Variants in ARHGAP30 observed in about 807,000 individuals in gnomAD.
ARHGAP30 encodes the protein rho GTPase-activating protein 30.
In ARHGAP30, 23 loss-of-function variants were observed where a neutral mutation model predicts 72.0. That is an observed-to-expected ratio of 0.32 (90% CI 0.23 to 0.45). The LOEUF is 0.45. Among genes scored for constraint, ARHGAP30 ranks in the 20% least tolerant of loss-of-function variants. The pLI is 1.00. For synonymous variants in ARHGAP30, 576 were observed against 528.2 expected (o/e 1.09, Z -1.24); for missense variants, 1,319 against 1,383.4 (o/e 0.95, Z 0.74).
chr1:161,052,230 C>G, intron 9 of ARHGAP30, 56 bp downstream of exon 9: 1 of 1,592,010 alleles, frequency 6.3e-7, no homozygotes, highest in Non-Finnish European at 8.6e-7. Context: ...ACACACAAGC[C>G]CACGCTGGTC....
At position 161,055,888 on chromosome 1, in the gene ARHGAP30, AAT is replaced by A. The variant is rs1651822736; in HGVS notation, c.345+498_345+499del. Among the ~76,000 whole-genome samples, 11 of 28,330 alleles carry A rather than the reference AAT, an allele frequency of 3.9e-4. 1 individual carries two copies. Among genetic ancestry groups the A allele is most frequent in the African/African-American group, 2.1e-3 (10 of 4,658 alleles). The allele number at this position is 28,330 out of a possible 152,430, so 18.6% of individuals were successfully genotyped here. A position where few individuals can be genotyped will look rare whatever the true frequency, so the allele number is the denominator to read the frequency against. On this transcript the variant is annotated intron_variant, in intron 3 of 11. Transcript: ENST00000368013. ...AATAAAATAAAATAAAATAAAAATA[AAT>A]AAAATAAAATAAAATAAAATAAAAT...
intron 1 of ARHGAP30, among the ~76,000 whole-genome samples, chr1:161,062,918 G>T (rs986659423): frequency 6.6e-6 from 1 of 151,654 alleles, no homozygotes; most frequent in Non-Finnish European, 1.5e-5. Flanking sequence ...AGGTTCAAGC[G>T]ATTCTCCTGC....
chr1:161,057,552 C>G (rs192597483), intron 2 of ARHGAP30, among the ~76,000 whole-genome samples: 1 of 152,130 alleles, frequency 6.6e-6, no homozygotes, highest in Non-Finnish European at 1.5e-5. Context: ...GTAGGAGGAT[C>G]GCTTGAGCCT....
chr1:161,048,613 C>G lies in ARHGAP30; in HGVS notation c.2408G>C (p.Arg803Thr). ...TCTTGCTTCATGGTACCCCTTCTCCCTCTGTCCTTTGTCCTCATCCTCTCT... is the reference window on the plus strand; with the variant it reads ...TCTTGCTTCATGGTACCCCTTCTCCGTCTGTCCTTTGTCCTCATCCTCTCT... ...GVREDEDKGQ[R>T]EKGYHEARKD... The change falls in exon 12 of 12, where the codon AGG (arginine) becomes ACG (threonine). Residue 803 changes from arginine to threonine, a missense_variant. Transcript: ENST00000368013. The G allele has an allele frequency of 3.7e-6, 6 of 1,614,026 alleles. No homozygotes were observed. The highest frequency in any genetic ancestry group is 5.1e-6 in the Non-Finnish European group (6 of 1,180,002).
chr1:161,051,195 C>T, intron 10 of ARHGAP30, 119 bp downstream of exon 10: 1 of 1,459,082 alleles, frequency 6.9e-7, no homozygotes, highest in South Asian at 1.5e-5. Context: ...TAAAGGTAAC[C>T]ACCCCAAAGC....
Position 161,049,065 on chromosome 1 carries a change from C to T in ARHGAP30, c.1956G>A (p.Gln652=). ...RQALGQGGEE[Q]ACWEVGEDKQ... ...TGTCCTCCCCAACTTCCCAGCATGC[C>T]TGCTCTTCCCCACCCTGTCCCAGAG... Residue 652 remains glutamine (Q), a synonymous_variant, in exon 12 of 12, where the codon CAG becomes CAA. Transcript: ENST00000368013. 1.2e-6 allele frequency: 2 copies of T among 1,614,162 alleles called. No homozygotes were observed. The highest frequency in any genetic ancestry group is 1.7e-6 in the Non-Finnish European group (2 of 1,180,032).
Position 161,055,475 on chromosome 1 carries a change from CGAAGGA to C in ARHGAP30, c.346-776_346-771del, listed in dbSNP as rs1307007828. ...ACCACTGCACTCCGGCCTGGGTGAC[CGAAGGA>C]GACCCTGTCTCAAAAAACAAAAAAC... is the stretch of plus-strand genomic sequence containing the variant. On this transcript the variant is annotated intron_variant, in intron 3 of 11. Transcript: ENST00000368013. Among the ~76,000 whole-genome samples, 5 of 150,618 alleles carry C rather than the reference CGAAGGA, an allele frequency of 3.3e-5. No homozygotes were observed. In the South Asian group the frequency reaches 1.0e-3, roughly 32 times the overall value.
chr1:161,059,238 A>G (rs1652137707), intron 2 of ARHGAP30, among the ~76,000 whole-genome samples: 1 of 151,980 alleles, frequency 6.6e-6, no homozygotes, highest in African/African-American at 2.4e-5. Context: ...CACGTTGGCC[A>G]GGCTGGTCTT....
chr1:161,056,495 G>A lies in ARHGAP30; in HGVS notation c.238C>T (p.Arg80Trp), dbSNP rs200039326. Residue 80 changes from arginine to tryptophan, a missense_variant, in exon 3 of 12, where the codon CGG (arginine) becomes TGG (tryptophan). Around this residue, in one of 2 missense-constraint regions of ARHGAP30, gnomAD observed 222 missense variants for 338.2 expected, o/e 0.66. Coordinates refer to ENST00000368013, the MANE Select transcript of ARHGAP30 (RefSeq NM_001025598.2). ...FESERKPDLR[R>W]DVYLQDIHCV... The stretch of plus-strand genomic sequence containing the variant: ...TGAATGTCTTGGAGGTAAACATCCC[G>A]ACGCAGGTCTGGCTTCCGCTCTGAC... 1.4e-5 allele frequency: 23 copies of A among 1,613,870 alleles called. No homozygotes were observed. The highest frequency in any genetic ancestry group is 1.7e-5 in the Admixed American group (1 of 59,970).
chr1:161,051,601 G>T lies in ARHGAP30; in HGVS notation c.1133C>A (p.Ala378Glu), dbSNP rs1275981594. Residue 378 changes from alanine to glutamate, a missense_variant, in exon 10 of 12, where the codon GCA becomes GAA. This residue lies in a region of ARHGAP30 where 1,097 missense variants were observed against 1,045.2 expected (regional missense o/e 1.05). Coordinates refer to ENST00000368013, the MANE Select transcript of ARHGAP30 (RefSeq NM_001025598.2). Reference protein sequence around the residue: ...AEGEQEPEAEALGGTNSEPGT... With the variant: ...AEGEQEPEAEELGGTNSEPGT... ...TGGTTCAGAGTTTGTGCCACCCAGTGCTTCTGCCTCAGGCTCCTGTTCACC... is the reference window on the plus strand; with the variant it reads ...TGGTTCAGAGTTTGTGCCACCCAGTTCTTCTGCCTCAGGCTCCTGTTCACC... The T allele has an allele frequency of 4.3e-6, 7 of 1,613,790 alleles. No homozygotes were observed. The highest frequency in any genetic ancestry group is 1.3e-5 in the African/African-American group (1 of 75,070).
chr1:161,054,419 C>T lies in ARHGAP30; in HGVS notation c.483G>A (p.Gln161=). The T allele has an allele frequency of 6.2e-7, 1 of 1,614,018 alleles. No homozygotes were observed. The highest frequency in any genetic ancestry group is 8.5e-7 in the Non-Finnish European group (1 of 1,179,980). The stretch of plus-strand genomic sequence containing the variant: ...CCAGGTTGCGAGCATGCATGTTGGT[C>T]TGGGCACTGAATGAGGCCATGTGTA... ...HLVHMASFSA[Q]TNMHARNLAI... The change falls in exon 5 of 12, where the codon CAG becomes CAA. Residue 161 remains glutamine (Q), a synonymous_variant. Coordinates refer to ENST00000368013, the MANE Select transcript of ARHGAP30 (RefSeq NM_001025598.2).
rs540008446 is a variant in ARHGAP30, at chr1:161,049,608, G to A, written c.1502C>T (p.Ser501Leu). 11 of 1,614,070 alleles carry A rather than the reference G, an allele frequency of 6.8e-6. No individual in the cohort carries two copies. The South Asian group carries it at 7.7e-5, about 11-fold the overall frequency. The change falls in exon 11 of 12, where the codon TCG becomes TTG. Residue 501 changes from serine (S) to leucine (L), a missense_variant. This residue lies in a region of ARHGAP30 where 1,097 missense variants were observed against 1,045.2 expected (regional missense o/e 1.05). Coordinates refer to ENST00000368013, the MANE Select transcript of ARHGAP30 (RefSeq NM_001025598.2). ...PDDLAPALED[S>L]LSQEVQDSFS... ...GGAGTCCTGCACCTCCTGGGACAGC[G>A]AGTCCTCCAGGGCAGGAGCCAAGTC...
chr1:161,062,191 G>A (rs767954290), intron 1 of ARHGAP30, among the ~76,000 whole-genome samples: 1 of 151,846 alleles, frequency 6.6e-6, no homozygotes, highest in Non-Finnish European at 1.5e-5. Flanking sequence ...CCTTTGCCTC[G>A]CATACACCCC....
intron 2 of ARHGAP30, among the ~76,000 whole-genome samples, chr1:161,059,261 TC>T (rs1365476211): frequency 6.6e-6 from 1 of 151,994 alleles, no homozygotes; most frequent in Non-Finnish European, 1.5e-5. Context: ...ACTCCTGACC[TC>T]AGGTGATCCA....
intron 10 of ARHGAP30, among the ~76,000 whole-genome samples, 174 bp from the exon 11 acceptor site, chr1:161,049,863 C>G (rs763088230): frequency 6.6e-6 from 1 of 152,196 alleles, no homozygotes; most frequent in Non-Finnish European, 1.5e-5. Context: ...TTAATTGAGA[C>G]CCTACCAGGT....
intron 3 of ARHGAP30, 144 bp downstream of exon 3, chr1:161,056,244 G>A: frequency 3.6e-6 from 4 of 1,114,436 alleles, no homozygotes; most frequent in Non-Finnish European, 5.0e-6. Context: ...TGGGGAGGAG[G>A]GGTCTTTTCC....
chr1:161,059,188 C>T (rs1652134362), intron 2 of ARHGAP30, among the ~76,000 whole-genome samples: 2 of 151,866 alleles, frequency 1.3e-5, no homozygotes, highest in Non-Finnish European at 2.9e-5. Context: ...GCCACCACAC[C>T]CAGCTAATTT....
rs1653023822 is a variant in ARHGAP30, at chr1:161,069,576, C to G, written c.49G>C (p.Val17Leu). 2.5e-6 allele frequency: 4 copies of G among 1,611,782 alleles called. No homozygotes were observed. The highest frequency in any genetic ancestry group is 3.4e-6 in the Non-Finnish European group (4 of 1,180,006). The change falls in exon 1 of 12, where the codon GTT becomes CTT. Residue 17 changes from valine (V) to leucine (L), a missense_variant. This residue lies in a region of ARHGAP30 where 222 missense variants were observed against 338.2 expected (regional missense o/e 0.66). Transcript: ENST00000368013. The surrounding 1 kb of genome is among the most constrained non-coding windows in gnomAD (Gnocchi z 4.9). ...GKKKGSAKER[V>L]FGCDLQEHLQ... ...TGCTCCTGCAAGTCGCACCCAAAAA[C>G]CCGCTCCTTTGCGCTGCCCTTCTTC... is the stretch of plus-strand genomic sequence containing the variant.
intron 1 of ARHGAP30, 44 bp from the exon 2 acceptor site, chr1:161,059,760 G>T: frequency 6.4e-7 from 1 of 1,558,024 alleles, no homozygotes; most frequent in South Asian, 1.1e-5. Context: ...CAGAGGATCT[G>T]GGTGGTCAAA....
Sources: allele counts gnomAD v4.1 joint callset (sites outside exome capture counted in the v4.1 genomes callset), GRCh38; gene constraint gnomAD v4.1.1; regional missense constraint gnomAD v4.1.1; non-coding constraint Gnocchi (gnomAD v3.1); transcripts MANE v1.5; gene names NCBI Gene and HGNC (gene_info 2026-07-23, HGNC 2026-07-21).